The following OTUB2 variants were observed in gnomAD, a reference collection of about 807,000 sequenced individuals.
The protein encoded by OTUB2 is ubiquitin thioesterase OTUB2.
A neutral mutation model predicts 25.1 loss-of-function variants in OTUB2; 21 were observed. The observed-to-expected ratio is 0.84, with a 90% CI of 0.59 to 1.21. The LOEUF (loss-of-function observed/expected upper bound fraction) is 1.21. Among genes scored for constraint, OTUB2 ranks in the 50% most tolerant of loss-of-function variants. The probability of loss-of-function intolerance (pLI) is 0.00; values close to 1 mark genes in which losing one functional copy is unlikely to be tolerated. For synonymous variants in OTUB2, 122 were observed against 122.8 expected (o/e 0.99, Z 0.04); for missense variants, 283 against 298.0 (o/e 0.95, Z 0.37).
At chr14:94,042,150 A>G (rs1885173064) in intron 3 of OTUB2, among the ~76,000 whole-genome samples, 1 of 152,264 alleles carries the variant, frequency 6.6e-6, no homozygotes, top group Admixed American at 6.5e-5. Context: ...TGTGTGTGCC[A>G]GAGGCTTGGA....
At chr14:94,035,795 T>A (rs1302196068) in intron 1 of OTUB2, among the ~76,000 whole-genome samples, 1 of 152,148 alleles carries the variant, frequency 6.6e-6, no homozygotes, top group Admixed American at 6.5e-5. Flanking sequence ...AGGTAGCTTT[T>A]ATTCATTTGT....
At position 94,026,476 on chromosome 14, in the gene OTUB2, G is replaced by A. The variant is rs1287409138; in HGVS notation, c.-62G>A. Reference sequence around the variant, plus strand: ...GGCGGAGCCCGCCCGCGCCTCCCGCGGCATTCCCGCACCGGATCGCTCCTC... The same window carrying A: ...GGCGGAGCCCGCCCGCGCCTCCCGCAGCATTCCCGCACCGGATCGCTCCTC... On this transcript the variant is annotated 5_prime_UTR_variant, in exon 1 of 6. Transcript: ENST00000203664. 2.3e-6 allele frequency: 3 copies of A among 1,326,202 alleles called. No individual in the cohort carries two copies. Among genetic ancestry groups the A allele is most frequent in the Non-Finnish European group, 9.7e-7 (1 of 1,033,260 alleles). The allele number at this position is 1,326,202 out of a possible 1,614,324, so 82.2% of individuals were successfully genotyped here.
chr14:94,037,556 G>A, intron 2 of OTUB2, 81 bp downstream of exon 2: 1 of 944,646 alleles, frequency 1.1e-6, no homozygotes, highest in Non-Finnish European at 1.6e-6. Context: ...CTCTTTGAAG[G>A]CCGATAGTTT....
intron 1 of OTUB2, among the ~76,000 whole-genome samples, chr14:94,036,036 G>A (rs1320786058): frequency 6.6e-6 from 1 of 152,150 alleles, no homozygotes; most frequent in Non-Finnish European, 1.5e-5. Flanking sequence ...TAATCTCATG[G>A]CCCAGCTTTC....
chr14:94,039,360 C>A, intron 3 of OTUB2: 1 of 478,888 alleles, frequency 2.1e-6, no homozygotes, highest in Non-Finnish European at 3.7e-6. Flanking sequence ...TCGCAGGGAG[C>A]AGGTACTTCG....
chr14:94,043,303 C>G (rs898661032), intron 3 of OTUB2, among the ~76,000 whole-genome samples: 5 of 152,244 alleles, frequency 3.3e-5, no homozygotes, highest in Non-Finnish European at 7.3e-5. Flanking sequence ...CGCCTGCCAG[C>G]TGGTCACCCA....
rs141919806 is a variant in OTUB2, at chr14:94,038,308, C to T, written c.100-655C>T. On this transcript the variant is annotated intron_variant, in intron 2 of 5. Coordinates refer to ENST00000203664, the MANE Select transcript of OTUB2 (RefSeq NM_023112.4). ...ACTGACTTTTGTGTCCCCCAGAGCC[C>T]TCCTGGGAGATGAGCCAGGGGCTCC... Among the ~76,000 whole-genome samples the T allele has an allele frequency of 3.9e-4, 60 of 152,350 alleles. 1 individual carries two copies. In the East Asian group the frequency reaches 0.011, roughly 28 times the overall value.
At chr14:94,040,344 G>A (rs749192357) in intron 3 of OTUB2, among the ~76,000 whole-genome samples, 4 of 152,130 alleles carry the variant, frequency 2.6e-5, no homozygotes, top group Admixed American at 6.5e-5. Context: ...GACCAACACA[G>A]CACAGTGCAG....
At chr14:94,040,789 G>A (rs1885146133) in intron 3 of OTUB2, among the ~76,000 whole-genome samples, 1 of 152,238 alleles carries the variant, frequency 6.6e-6, no homozygotes, top group Non-Finnish European at 1.5e-5. Flanking sequence ...TGAGTATCAC[G>A]TTTGAGGTGT....
chr14:94,026,398 G>T lies in OTUB2; in HGVS notation c.-140G>T. The T allele has an allele frequency of 1.6e-6, 2 of 1,268,386 alleles. No individual in the cohort carries two copies. The highest frequency in any genetic ancestry group is 5.2e-5 in the South Asian group (2 of 38,806). The allele number at this position is 1,268,386 out of a possible 1,614,324, so 78.6% of individuals were successfully genotyped here. On this transcript the variant is annotated 5_prime_UTR_variant, in exon 1 of 6. Transcript: ENST00000203664. ...CTAACCTTTGGTTTGCGGAGCGGTC[G>T]GGTGTATTCTCCGCCGCCCCCACGC...
At chr14:94,030,348 G>T (rs1884936079) in intron 1 of OTUB2, among the ~76,000 whole-genome samples, 1 of 151,920 alleles carries the variant, frequency 6.6e-6, no homozygotes, top group African/African-American at 2.4e-5. Flanking sequence ...GCCTGTCGGG[G>T]GTGGGGGGCG....
In OTUB2 at chr14:94,045,986, C is replaced by T. The variant is rs768172962; in HGVS notation, c.*64C>T. ...GGACTGCATTCTGAATGGAACATTCCGGCTCTTCAATTTTTTAAGCAATTT... is the reference window on the plus strand; with the variant it reads ...GGACTGCATTCTGAATGGAACATTCTGGCTCTTCAATTTTTTAAGCAATTT... On this transcript the variant is annotated 3_prime_UTR_variant, in exon 6 of 6. Coordinates refer to ENST00000203664, the MANE Select transcript of OTUB2 (RefSeq NM_023112.4). 2.5e-5 allele frequency: 39 copies of T among 1,539,240 alleles called. No individual in the cohort carries two copies. The highest frequency in any genetic ancestry group is 5.5e-5 in the African/African-American group (4 of 73,244).
chr14:94,039,158 C>A, intron 3 of OTUB2, 77 bp downstream of exon 3: 1 of 1,162,658 alleles, frequency 8.6e-7, no homozygotes, highest in Non-Finnish European at 1.2e-6. Context: ...CGGAGGTTTT[C>A]GTTACACTCA....
chr14:94,037,517 G>C, intron 2 of OTUB2, 42 bp downstream of exon 2: 2 of 1,448,118 alleles, frequency 1.4e-6, no homozygotes, highest in Non-Finnish European at 1.9e-6. Context: ...AAACTAAACA[G>C]GCTGGAGTTG....
intron 2 of OTUB2, among the ~76,000 whole-genome samples, chr14:94,037,943 T>A (rs1885087644): frequency 6.6e-6 from 1 of 152,252 alleles, no homozygotes; most frequent in Non-Finnish European, 1.5e-5. Flanking sequence ...GTGGGAAGGC[T>A]GCAGGGATCG....
chr14:94,032,974 C>T (rs549537304), intron 1 of OTUB2, among the ~76,000 whole-genome samples: 9 of 152,284 alleles, frequency 5.9e-5, no homozygotes, highest in South Asian at 4.2e-4. Context: ...TGCAGTGGTG[C>T]GGTCACGGCT....
intron 5 of OTUB2, 45 bp from the exon 6 acceptor site, chr14:94,045,671 A>C: frequency 1.3e-6 from 2 of 1,588,412 alleles, no homozygotes; most frequent in Non-Finnish European, 1.7e-6. Context: ...GTCCTCTGCC[A>C]GGCCTCCCTC....
At position 94,043,582 on chromosome 14, in the gene OTUB2, C is replaced by T. The variant is rs575541276; in HGVS notation, c.219-389C>T. Among the ~76,000 whole-genome samples the T allele has an allele frequency of 7.0e-4, 106 of 152,332 alleles. 2 individuals carry two copies. Among genetic ancestry groups the T allele is most frequent in the South Asian group, 2.9e-3 (14 of 4,828 alleles). On this transcript the variant is annotated intron_variant, in intron 3 of 5. Coordinates refer to ENST00000203664, the MANE Select transcript of OTUB2 (RefSeq NM_023112.4). ...TTGGTGCTGGCAGATGCTTAACAGCCGGCTGTGGGCGTGCGGGAGGCCTGA... is the reference window on the plus strand; with the variant it reads ...TTGGTGCTGGCAGATGCTTAACAGCTGGCTGTGGGCGTGCGGGAGGCCTGA...
chr14:94,044,024 A>C lies in OTUB2; in HGVS notation c.272A>C (p.Glu91Ala). The C allele has an allele frequency of 6.2e-7, 1 of 1,614,170 alleles. No homozygotes were observed. The highest frequency in any genetic ancestry group is 8.5e-7 in the Non-Finnish European group (1 of 1,180,012). Residue 91 changes from glutamate (E) to alanine (A), a missense_variant, in exon 4 of 6, where the codon GAG becomes GCG. Coordinates refer to ENST00000203664, the MANE Select transcript of OTUB2 (RefSeq NM_023112.4). ...AATGACCTTCTGGCTGCTGGCTTTGAGGAGCACAAGTTCAGAAACTTCTTC... is the reference window on the plus strand; with the variant it reads ...AATGACCTTCTGGCTGCTGGCTTTGCGGAGCACAAGTTCAGAAACTTCTTC... ...TPNDLLAAGFEEHKFRNFFNA... is the reference protein window; with the variant it reads ...TPNDLLAAGFAEHKFRNFFNA...
Sources: gnomAD v4.1 joint callset for allele counts (sites outside exome capture counted in the v4.1 genomes callset) on GRCh38, gnomAD v4.1.1 for gene constraint, MANE v1.5 for transcripts, NCBI Gene and HGNC (gene_info 2026-07-23, HGNC 2026-07-21) for gene names.